Variants in PBX1 observed in about 807,000 individuals in gnomAD.
The protein encoded by PBX1 is pre-B-cell leukemia transcription factor 1.
PBX1 carries 6 observed loss-of-function variants against 53.4 expected under a neutral mutation model. The observed-to-expected ratio is 0.11, with a 90% CI of 0.06 to 0.22. The LOEUF (loss-of-function observed/expected upper bound fraction) is 0.22. Ranked by LOEUF, PBX1 falls within the 10% of genes least tolerant of loss-of-function variation. PBX1 has a pLI of 1.00. For missense variants in PBX1, 251 were observed against 551.4 expected (o/e 0.46, Z 5.46); for synonymous variants, 204 against 212.3 (o/e 0.96, Z 0.34).
intron 2 of PBX1, among the ~76,000 whole-genome samples, chr1:164,662,061 C>T (rs553625654): frequency 6.6e-6 from 1 of 152,154 alleles, no homozygotes; most frequent in Non-Finnish European, 1.5e-5. Context: ...TGCAGTGGCT[C>T]AAGTCTGTAA....
chr1:164,873,973 A>G (rs1241494330), intron 2 of PBX1, among the ~76,000 whole-genome samples: 3 of 151,110 alleles, frequency 2.0e-5, no homozygotes, highest in Non-Finnish European at 2.9e-5. Flanking sequence ...TATTTTGTGG[A>G]GATACATTTG....
rs545478307 is a variant in PBX1, at chr1:164,612,394, TG to T, written c.265+49089del. 8.0e-3 allele frequency among the ~76,000 whole-genome samples: 1,211 copies of T among 152,120 alleles called. 12 individuals carry two copies. The highest frequency in any genetic ancestry group is 0.028 in the African/African-American group (1,150 of 41,512). On this transcript the variant is annotated intron_variant, in intron 2 of 8. Transcript: ENST00000420696. ...AGTGACCACAGAAAGGAAAGGGGGA[TG>T]GGGGGACTTCTATGTGACCAAGTTT...
intron 8 of PBX1, among the ~76,000 whole-genome samples, chr1:164,830,899 G>A (rs775871565): frequency 6.6e-6 from 1 of 152,098 alleles, no homozygotes; most frequent in Admixed American, 6.5e-5. Flanking sequence ...ACAATTTAAC[G>A]AGATCCCCTG....
intron 2 of PBX1, among the ~76,000 whole-genome samples, chr1:164,714,833 G>T (rs1271419615): frequency 6.6e-6 from 1 of 152,182 alleles, no homozygotes; most frequent in African/African-American, 2.4e-5. Flanking sequence ...GGATGGACTT[G>T]ACCAGTGAGT....
chr1:164,583,720 A>G (rs1654776328), intron 2 of PBX1, among the ~76,000 whole-genome samples: 2 of 152,224 alleles, frequency 1.3e-5, no homozygotes, highest in African/African-American at 4.8e-5. Flanking sequence ...CTTATTAGAA[A>G]TAATGTTTAC....
intron 2 of PBX1, among the ~76,000 whole-genome samples, chr1:164,622,822 C>CTTTTTTTT (rs11299132): frequency 6.6e-5 from 7 of 106,284 alleles, no homozygotes; most frequent in African/African-American, 2.6e-4. Context: ...CAGTTTCCAT[C>CTTTTTTTT]TTTTTTTTTT....
chr1:164,689,052 A>G (rs919340665), intron 2 of PBX1, among the ~76,000 whole-genome samples: 1 of 152,240 alleles, frequency 6.6e-6, no homozygotes, highest in African/African-American at 2.4e-5. Flanking sequence ...CAGGGCTCCT[A>G]TCGAGCTGGG....
chr1:164,679,775 T>G (rs1661645577), intron 2 of PBX1, among the ~76,000 whole-genome samples: 3 of 152,242 alleles, frequency 2.0e-5, no homozygotes, highest in Admixed American at 2.0e-4. Flanking sequence ...AGGTTTTCAT[T>G]AATGTTTGTG....
chr1:164,712,069 A>G (rs1479995160), intron 2 of PBX1, among the ~76,000 whole-genome samples: 3 of 143,824 alleles, frequency 2.1e-5, no homozygotes, highest in Non-Finnish European at 4.6e-5. Flanking sequence ...CTTGCAGGGA[A>G]GGGTCATGGT....
At chr1:164,817,877 G>C (rs1013347179) in intron 6 of PBX1, 1 of 152,202 alleles carries the variant, frequency 6.6e-6, no homozygotes, top group Non-Finnish European at 1.5e-5. Flanking sequence ...ATTTACCACA[G>C]TGGAACCAGT....
intron 8 of PBX1, among the ~76,000 whole-genome samples, chr1:164,843,510 G>GGTGT (rs146342156): frequency 1.3e-5 from 2 of 151,488 alleles, no homozygotes; most frequent in Non-Finnish European, 2.9e-5. Context: ...AATCTGAGGG[G>GGTGT]GTGTGTGTGT....
chr1:164,724,661 T>C (rs1664593138), intron 2 of PBX1, among the ~76,000 whole-genome samples: 1 of 130,466 alleles, frequency 7.7e-6, no homozygotes, highest in Admixed American at 9.1e-5. Context: ...CCCATTGCAA[T>C]AGCTGCAGAT....
At chr1:164,832,474 G>A (rs1670816805) in intron 8 of PBX1, among the ~76,000 whole-genome samples, 1 of 152,164 alleles carries the variant, frequency 6.6e-6, no homozygotes, top group Non-Finnish European at 1.5e-5. Flanking sequence ...ATGAGAGCAG[G>A]ATTTTAGATC....
intron 2 of PBX1, among the ~76,000 whole-genome samples, chr1:164,570,260 C>T (rs749063852): frequency 2.6e-5 from 4 of 152,036 alleles, no homozygotes; most frequent in Non-Finnish European, 4.4e-5. Context: ...GTGGAACGTG[C>T]AGGTTTGTTA....
At chr1:164,841,172 A>G (rs1671272110) in intron 8 of PBX1, among the ~76,000 whole-genome samples, 1 of 152,214 alleles carries the variant, frequency 6.6e-6, no homozygotes, top group Non-Finnish European at 1.5e-5. Flanking sequence ...GGAGGAAGAA[A>G]CAAAAAGCAT....
chr1:164,725,754 T>C (rs992792905), intron 2 of PBX1, among the ~76,000 whole-genome samples: 1 of 152,190 alleles, frequency 6.6e-6, no homozygotes, highest in Admixed American at 6.5e-5. Context: ...TGGCTTCCTG[T>C]CTTCAAGGCA....
intron 2 of PBX1, among the ~76,000 whole-genome samples, chr1:164,640,768 G>A (rs1489641953): frequency 2.0e-5 from 3 of 151,980 alleles, no homozygotes; most frequent in Non-Finnish European, 4.4e-5. Flanking sequence ...ATGTTGCCCA[G>A]GCTGGTCTCC....
At chr1:164,708,947 A>G (rs1363342012) in intron 2 of PBX1, among the ~76,000 whole-genome samples, 1 of 152,214 alleles carries the variant, frequency 6.6e-6, no homozygotes, top group East Asian at 1.9e-4. Flanking sequence ...TATGCCAGGT[A>G]CCATGGTAGG....
intron 2 of PBX1, among the ~76,000 whole-genome samples, chr1:164,574,343 G>A (rs1284871723): frequency 6.6e-6 from 1 of 152,082 alleles, no homozygotes; most frequent in African/African-American, 2.4e-5. Flanking sequence ...CTACCTCTGT[G>A]GTAGCATATT....
Sources: allele counts gnomAD v4.1 joint callset (sites outside exome capture counted in the v4.1 genomes callset), GRCh38; gene constraint gnomAD v4.1.1; transcripts MANE v1.5; gene names NCBI Gene and HGNC (gene_info 2026-07-23, HGNC 2026-07-21).